The following TBC1D22A variants were observed in gnomAD, a reference collection of about 807,000 sequenced individuals.
TBC1D22A encodes the protein putative GTPase activator.
Under a neutral mutation model 60.2 loss-of-function variants are expected in TBC1D22A, and 38 were observed. The ratio of observed to expected loss-of-function variants is 0.63; its 90% CI spans 0.49 to 0.83. The LOEUF (loss-of-function observed/expected upper bound fraction) is 0.83. Ranked by LOEUF, TBC1D22A falls within the 40% of genes least tolerant of loss-of-function variation. TBC1D22A has a pLI of 0.00. For synonymous variants in TBC1D22A, 302 were observed against 281.7 expected, an observed-to-expected ratio of 1.07 and a Z score of -0.72; for missense variants, 628 against 701.0, an observed-to-expected ratio of 0.90 and a Z score of 1.18.
intron 9 of TBC1D22A, among the ~76,000 whole-genome samples, chr22:46,982,519 G>T (rs1217148260): frequency 1.3e-5 from 2 of 152,188 alleles, no homozygotes; most frequent in Non-Finnish European, 2.9e-5. Context: ...ACTGCGCCCG[G>T]CCAAGAGACA....
intron 1 of TBC1D22A, among the ~76,000 whole-genome samples, chr22:46,779,839 C>T (rs1482817072): frequency 3.3e-5 from 5 of 152,158 alleles, no homozygotes; most frequent in African/African-American, 4.8e-5. Context: ...TGCAGGACAG[C>T]GTATGTGTTG....
intron 10 of TBC1D22A, among the ~76,000 whole-genome samples, chr22:47,025,676 TG>T (rs2062229361): frequency 6.6e-6 from 1 of 152,208 alleles, no homozygotes; most frequent in East Asian, 1.9e-4. Flanking sequence ...CGTATAGTAC[TG>T]AGTGTGTGAG....
chr22:46,838,778 A>G (rs1178172149), intron 4 of TBC1D22A, among the ~76,000 whole-genome samples: 1 of 152,268 alleles, frequency 6.6e-6, no homozygotes, highest in East Asian at 1.9e-4. Flanking sequence ...ATAAATATGT[A>G]TCACATTAAT....
intron 8 of TBC1D22A, among the ~76,000 whole-genome samples, chr22:46,963,206 G>C (rs1194711887): frequency 8.1e-6 from 1 of 123,076 alleles, no homozygotes; most frequent in Non-Finnish European, 1.7e-5. Flanking sequence ...CCGGGTGACA[G>C]AGCAAGACTC....
chr22:47,037,867 C>T (rs2062705495), intron 11 of TBC1D22A, among the ~76,000 whole-genome samples: 1 of 152,174 alleles, frequency 6.6e-6, no homozygotes, highest in Non-Finnish European at 1.5e-5. Context: ...CCAAAAAACT[C>T]ACGCTCAGGA....
rs2062319232 is a variant in TBC1D22A, at chr22:47,028,028, T to C, written c.1202-9043T>C. The stretch of plus-strand genomic sequence containing the variant: ...TTTAAAGGAAGTAAATCAGATTTGT[T>C]GTTGCCTTCTCATATGGAAATGACC... On this transcript the variant is annotated intron_variant, in intron 10 of 12. Coordinates refer to ENST00000337137, the MANE Select transcript of TBC1D22A (RefSeq NM_014346.5). This position sits in a 1 kb window ranked among gnomAD's most constrained non-coding sequence, Gnocchi z 4.4. Among the ~76,000 whole-genome samples, 1 of 152,230 alleles carries C rather than the reference T, an allele frequency of 6.6e-6. No individual in the cohort carries two copies. The highest frequency in any genetic ancestry group is 6.5e-5 in the Admixed American group (1 of 15,288).
chr22:46,894,950 A>G, intron 7 of TBC1D22A, 104 bp downstream of exon 7: 1 of 1,323,346 alleles, frequency 7.6e-7, no homozygotes, highest in Non-Finnish European at 1.1e-6. Context: ...CCCAGAAGCA[A>G]GGTTGCTGTG....
chr22:47,131,296 C>T lies in TBC1D22A; in HGVS notation c.1425+19693C>T, dbSNP rs1242264674. On this transcript the variant is annotated intron_variant, in intron 12 of 12. Coordinates refer to ENST00000337137, the MANE Select transcript of TBC1D22A (RefSeq NM_014346.5). ...CACATGTAAGACCTTGCTGTAACCT[C>T]GTGCATCCCTGGAGGGCAGTGTCCT... Among the ~76,000 whole-genome samples the T allele has an allele frequency of 4.6e-5, 7 of 152,240 alleles. No homozygotes were observed. The East Asian group carries it at 7.7e-4, about 17-fold the overall frequency.
chr22:46,898,225 G>A (rs962158810), intron 7 of TBC1D22A, among the ~76,000 whole-genome samples: 2 of 152,130 alleles, frequency 1.3e-5, no homozygotes, highest in Non-Finnish European at 2.9e-5. Context: ...CCTGAGTCAC[G>A]GCTAGTGGTA....
At position 46,964,947 on chromosome 22, in the gene TBC1D22A, G is replaced by A. The variant is rs932266103; in HGVS notation, c.1016-9343G>A. On this transcript the variant is annotated intron_variant, in intron 8 of 12. Coordinates refer to ENST00000337137, the MANE Select transcript of TBC1D22A (RefSeq NM_014346.5). ...CACGCCCGTTCTTGCTCTGAGCGGT[G>A]GGGTTCCCAGCTGGGATGTAAGCAG... Among the ~76,000 whole-genome samples the A allele has an allele frequency of 4.5e-4, 68 of 152,238 alleles. 1 individual carries two copies. Among genetic ancestry groups the A allele is most frequent in the Non-Finnish European group, 5.9e-5 (4 of 68,040 alleles).
At chr22:47,017,550 G>A (rs2061950570) in intron 10 of TBC1D22A, among the ~76,000 whole-genome samples, 1 of 152,202 alleles carries the variant, frequency 6.6e-6, no homozygotes, top group Non-Finnish European at 1.5e-5. Context: ...CATGCGCTCT[G>A]CCCTCCCTCG....
At chr22:46,808,009 A>T (rs1195319033) in intron 4 of TBC1D22A, among the ~76,000 whole-genome samples, 1 of 152,150 alleles carries the variant, frequency 6.6e-6, no homozygotes, top group Non-Finnish European at 1.5e-5. Flanking sequence ...TTGGTACAGG[A>T]TTAAATCATA....
chr22:46,973,979 T>A (rs1360565528), intron 8 of TBC1D22A, among the ~76,000 whole-genome samples: 4 of 152,222 alleles, frequency 2.6e-5, no homozygotes, highest in Admixed American at 2.6e-4. Context: ...CTGTTAGGAT[T>A]AAGTAATATA....
At chr22:47,169,263 T>G (rs991679301) in intron 12 of TBC1D22A, among the ~76,000 whole-genome samples, 3 of 152,136 alleles carry the variant, frequency 2.0e-5, no homozygotes, top group Admixed American at 1.3e-4. Context: ...GGCCCTCAAC[T>G]TCAACAGGGG....
At chr22:47,005,950 AC>A (rs1306248297) in intron 10 of TBC1D22A, among the ~76,000 whole-genome samples, 4 of 150,212 alleles carry the variant, frequency 2.7e-5, no homozygotes, top group Admixed American at 1.3e-4. Flanking sequence ...ATATATACAC[AC>A]CCCTACACAT....
intron 4 of TBC1D22A, among the ~76,000 whole-genome samples, chr22:46,846,764 C>T (rs1187940346): frequency 4.6e-5 from 7 of 151,764 alleles, no homozygotes; most frequent in Non-Finnish European, 5.9e-5. Flanking sequence ...CACCCGGATT[C>T]GGCGGGTATC....
chr22:47,016,827 C>T (rs2061923791), intron 10 of TBC1D22A, among the ~76,000 whole-genome samples: 1 of 152,228 alleles, frequency 6.6e-6, no homozygotes, highest in Admixed American at 6.5e-5. Flanking sequence ...GAGGGGGCTA[C>T]CGGCCTGCCT....
intron 8 of TBC1D22A, among the ~76,000 whole-genome samples, chr22:46,969,724 G>A (rs997798528): frequency 6.6e-6 from 1 of 152,038 alleles, no homozygotes; most frequent in Admixed American, 6.5e-5. Context: ...GGGCTCTTTG[G>A]GGTCAGGACT....
chr22:46,865,321 C>G (rs777657551), intron 4 of TBC1D22A, among the ~76,000 whole-genome samples: 1 of 152,226 alleles, frequency 6.6e-6, no homozygotes, highest in Non-Finnish European at 1.5e-5. Flanking sequence ...TGTGCTGCTT[C>G]CTCTCTAGCT....
Sources: allele counts gnomAD v4.1 joint callset (sites outside exome capture counted in the v4.1 genomes callset), GRCh38; gene constraint gnomAD v4.1.1; non-coding constraint Gnocchi (gnomAD v3.1); transcripts MANE v1.5; gene names NCBI Gene and HGNC (gene_info 2026-07-23, HGNC 2026-07-21).